The following CPEB3 variants were observed in gnomAD, a reference collection of about 807,000 sequenced individuals.
The protein encoded by CPEB3 is cytoplasmic polyadenylation element-binding protein 3.
In CPEB3, 20 loss-of-function variants were observed where a neutral mutation model predicts 67.2. That is an observed-to-expected ratio of 0.30 (90% CI 0.21 to 0.43). The LOEUF (loss-of-function observed/expected upper bound fraction) is 0.43, where lower values mean the gene tolerates loss of function less well. Ranked by LOEUF, CPEB3 falls within the 20% of genes least tolerant of loss-of-function variation. CPEB3 has a pLI of 1.00. For synonymous variants in CPEB3, 376 were observed against 393.1 expected, an observed-to-expected ratio of 0.96 and a Z score of 0.51; for missense variants, 746 against 968.6, an observed-to-expected ratio of 0.77 and a Z score of 3.05.
intron 1 of CPEB3, among the ~76,000 whole-genome samples, chr10:92,275,370 C>T (rs1018111852): frequency 1.3e-5 from 2 of 152,126 alleles, no homozygotes; most frequent in African/African-American, 4.8e-5. Context: ...ACAAAAAATC[C>T]TAAATGATGG....
intron 4 of CPEB3, among the ~76,000 whole-genome samples, chr10:92,154,194 TAGG>T (rs1458547709): frequency 6.6e-6 from 1 of 152,206 alleles, no homozygotes. Flanking sequence ...TGCAGTTGTA[TAGG>T]AGGACACATA....
intron 1 of CPEB3, among the ~76,000 whole-genome samples, chr10:92,290,463 G>A (rs747845306): frequency 6.6e-6 from 1 of 152,046 alleles, no homozygotes; most frequent in Non-Finnish European, 1.5e-5. Context: ...GAGTAAGCAA[G>A]AGCTGTTTAT....
chr10:92,178,774 G>A (rs1848337903), intron 4 of CPEB3, among the ~76,000 whole-genome samples: 1 of 151,948 alleles, frequency 6.6e-6, no homozygotes, highest in Non-Finnish European at 1.5e-5. Flanking sequence ...TCACCAGATG[G>A]GCTGGGATCA....
chr10:92,249,153 C>T (rs941854369), intron 1 of CPEB3, among the ~76,000 whole-genome samples: 8 of 151,652 alleles, frequency 5.3e-5, no homozygotes, highest in Non-Finnish European at 8.8e-5. Context: ...CCAAGGCAGG[C>T]GGATCACGAG....
intron 6 of CPEB3, 23 bp from the exon 7 acceptor site, chr10:92,111,217 G>C (rs201037277): frequency 1.4e-6 from 2 of 1,432,448 alleles, no homozygotes; most frequent in Admixed American, 1.7e-5. Flanking sequence ...AAAAACAAAA[G>C]GGTAGAGGAA....
At chr10:92,202,669 T>C (rs1849573168) in intron 2 of CPEB3, among the ~76,000 whole-genome samples, 2 of 151,812 alleles carry the variant, frequency 1.3e-5, no homozygotes, top group African/African-American at 4.8e-5. Flanking sequence ...AGAACAGACA[T>C]ATTATCTATA....
intron 2 of CPEB3, among the ~76,000 whole-genome samples, chr10:92,236,469 C>T (rs567956168): frequency 3.3e-5 from 5 of 152,248 alleles, no homozygotes; most frequent in Admixed American, 6.5e-5. Context: ...ATTGCTAGGC[C>T]GGGCATGGTG....
intron 1 of CPEB3, chr10:92,272,338 G>A (rs769636831): frequency 2.0e-5 from 3 of 151,996 alleles, no homozygotes; most frequent in Non-Finnish European, 4.4e-5. Context: ...CCAGGCTCAG[G>A]TACCTTTCCT....
chr10:92,141,996 C>A (rs1294915064), intron 6 of CPEB3, among the ~76,000 whole-genome samples: 1 of 140,150 alleles, frequency 7.1e-6, no homozygotes, highest in Non-Finnish European at 1.5e-5. Flanking sequence ...CCAGCCTGGG[C>A]GACAGAGTGA....
chr10:92,074,396 C>G (rs2185834), intron 9 of CPEB3, among the ~76,000 whole-genome samples: 39,501 of 152,144 alleles, frequency 0.26, 6,201 homozygotes, highest in Admixed American at 0.36. Context: ...GAATTTGTAT[C>G]ATCTAACAGA....
rs2134681451 is a variant in CPEB3 at position 92,240,450 on chromosome 10, T to C, written c.-11-89A>G. On this transcript the variant is annotated intron_variant, in intron 1 of 9. Coordinates refer to ENST00000265997, the MANE Select transcript of CPEB3 (RefSeq NM_014912.5). ...CGGGCGGGTGTTTCACTTGCGAAAA[T>C]CCATCGCCACCGCTACTAGCCAATT... The C allele has an allele frequency of 2.4e-6, 3 of 1,268,776 alleles. No homozygotes were observed. In the East Asian group the frequency reaches 8.4e-5, roughly 36 times the overall value. The allele number at this position is 1,268,776 out of a possible 1,614,324, so 78.6% of individuals were successfully genotyped here.
At chr10:92,140,071 C>CAA (rs113444635) in intron 6 of CPEB3, among the ~76,000 whole-genome samples, 1 of 114,490 alleles carries the variant, frequency 8.7e-6, no homozygotes, top group Non-Finnish European at 1.9e-5. Context: ...GACTCTGTCT[C>CAA]AAAAAAAAAA....
Position 92,239,994 on chromosome 10 carries a change from T to C in CPEB3, c.357A>G (p.Val119=), listed in dbSNP as rs201632167. ...TGATCCCCTGGAAGAAGCTGTCCTC[T>C]ACCGCGTTGGTGGTGCCCGTGGACC... The part of the protein sequence containing the change: ...STWSTGTTNA[V]EDSFFQGITP... The change falls in exon 2 of 10, where the codon GTA becomes GTG. Residue 119 remains valine, a synonymous_variant. Coordinates refer to ENST00000265997, the MANE Select transcript of CPEB3 (RefSeq NM_014912.5). The surrounding 1 kb of genome is among the most constrained non-coding windows in gnomAD (Gnocchi z 6.0). 3.5e-5 allele frequency: 57 copies of C among 1,611,564 alleles called. No individual in the cohort carries two copies. The East Asian group carries it at 1.2e-3, about 35-fold the overall frequency.
chr10:92,287,204 T>C lies in CPEB3; in HGVS notation c.-12+3722A>G, dbSNP rs558322848. On this transcript the variant is annotated intron_variant, in intron 1 of 9. Coordinates refer to ENST00000265997, the MANE Select transcript of CPEB3 (RefSeq NM_014912.5). The stretch of plus-strand genomic sequence containing the variant: ...AGTGCAGTGGTGCGATCTCAGCTCA[T>C]TGCAACCTCCGCCTCCCAGGTTCAA... 4.0e-5 allele frequency among the ~76,000 whole-genome samples: 6 copies of C among 151,872 alleles called. No individual in the cohort carries two copies. The East Asian group carries it at 1.2e-3, about 29-fold the overall frequency.
At chr10:92,289,997 C>T (rs910254496) in intron 1 of CPEB3, among the ~76,000 whole-genome samples, 12 of 148,748 alleles carry the variant, frequency 8.1e-5, no homozygotes, top group Non-Finnish European at 3.0e-5. Flanking sequence ...CTTCTGGTCA[C>T]ATTTTTTGGG....
chr10:92,237,111 GC>G (rs1471906595), intron 2 of CPEB3, among the ~76,000 whole-genome samples: 1 of 152,012 alleles, frequency 6.6e-6, no homozygotes, highest in Admixed American at 6.6e-5. Context: ...ACAAAATTCT[GC>G]ACACAAGACT....
At chr10:92,054,932 A>G (rs1842056022) in intron 9 of CPEB3, among the ~76,000 whole-genome samples, 1 of 152,260 alleles carries the variant, frequency 6.6e-6, no homozygotes, top group Admixed American at 6.5e-5. Flanking sequence ...GCAAAAAATC[A>G]GAAGCAAAGT....
At chr10:92,163,614 CA>C (rs1847602363) in intron 4 of CPEB3, among the ~76,000 whole-genome samples, 1 of 152,124 alleles carries the variant, frequency 6.6e-6, no homozygotes, top group Non-Finnish European at 1.5e-5. Flanking sequence ...AAGTTTGAAT[CA>C]AAATGTCCCC....
At chr10:92,213,785 G>A (rs1434452690) in intron 2 of CPEB3, among the ~76,000 whole-genome samples, 1 of 152,072 alleles carries the variant, frequency 6.6e-6, no homozygotes, top group Non-Finnish European at 1.5e-5. Flanking sequence ...CCAACAACTA[G>A]GGTAAATCTC....
Sources: allele counts gnomAD v4.1 joint callset (sites outside exome capture counted in the v4.1 genomes callset), GRCh38; gene constraint gnomAD v4.1.1; non-coding constraint Gnocchi (gnomAD v3.1); transcripts MANE v1.5; gene names NCBI Gene and HGNC (gene_info 2026-07-23, HGNC 2026-07-21).